The following SNX18 variants were observed in gnomAD, a reference collection of about 807,000 sequenced individuals.
The protein encoded by SNX18 is sorting nexin-18.
In SNX18, 35 loss-of-function variants were observed where a neutral mutation model predicts 48.7. That is an observed-to-expected ratio of 0.72 (90% CI 0.55 to 0.95). The LOEUF (loss-of-function observed/expected upper bound fraction) is 0.95. SNX18 is among the 40% of genes least tolerant of loss of function. SNX18 has a pLI of 0.00. For synonymous variants in SNX18, 492 were observed against 384.7 expected, an observed-to-expected ratio of 1.28 and a Z score of -3.26; for missense variants, 824 against 871.0, an observed-to-expected ratio of 0.95 and a Z score of 0.68.
chr5:54,594,152 T>G, the SNX18 span, among the ~76,000 whole-genome samples: 1 of 152,126 alleles, frequency 6.6e-6, no homozygotes, highest in African/African-American at 2.4e-5. Flanking sequence ...CAATACTAAG[T>G]GAAAGATGCC....
the SNX18 span, among the ~76,000 whole-genome samples, chr5:54,647,239 T>C: frequency 6.6e-6 from 1 of 152,180 alleles, no homozygotes; most frequent in African/African-American, 2.4e-5. Flanking sequence ...CTATGCCGAG[T>C]GCAACAGTTA....
chr5:54,637,168 T>C, the SNX18 span, among the ~76,000 whole-genome samples: 1 of 152,022 alleles, frequency 6.6e-6, no homozygotes, highest in Non-Finnish European at 1.5e-5. Context: ...AAGCAGAACA[T>C]GTAAAGGGGA....
intron 1 of SNX18, among the ~76,000 whole-genome samples, chr5:54,527,013 A>G (rs1394388102): frequency 1.3e-5 from 2 of 152,022 alleles, no homozygotes; most frequent in African/African-American, 2.4e-5. Context: ...TGGGGTGGAC[A>G]TGTGCCAGGC....
At chr5:54,581,672 G>C in the SNX18 span, among the ~76,000 whole-genome samples, 1 of 152,178 alleles carries the variant, frequency 6.6e-6, no homozygotes, top group Non-Finnish European at 1.5e-5. Context: ...TCCCTTTAGC[G>C]AATGTAGCAA....
the SNX18 span, among the ~76,000 whole-genome samples, chr5:54,611,579 G>T: frequency 6.6e-6 from 1 of 152,156 alleles, no homozygotes; most frequent in African/African-American, 2.4e-5. Context: ...GGAAGAAGAG[G>T]ATGCCAGCTA....
chr5:54,585,725 C>T, the SNX18 span, among the ~76,000 whole-genome samples: 1 of 151,720 alleles, frequency 6.6e-6, no homozygotes, highest in Non-Finnish European at 1.5e-5. Context: ...CTTCCCCGGC[C>T]GGGCGCGGTG....
the SNX18 span, among the ~76,000 whole-genome samples, chr5:54,596,614 C>A: frequency 6.6e-6 from 1 of 152,190 alleles, no homozygotes; most frequent in Non-Finnish European, 1.5e-5. Context: ...GCATGTTCCA[C>A]TTTAGGGGTT....
At chr5:54,599,922 A>G in the SNX18 span, among the ~76,000 whole-genome samples, 1 of 152,238 alleles carries the variant, frequency 6.6e-6, no homozygotes, top group Non-Finnish European at 1.5e-5. Flanking sequence ...GGACAGAGGC[A>G]TGGGCAAAGA....
At position 54,543,736 on chromosome 5, in the gene SNX18, C is replaced by G; in HGVS notation, c.*304C>G. ...TTTTTGAAGTATGGGTATTTTAGTG[C>G]ATACTTTGTAGACCTCAAAACCCAT... On this transcript the variant is annotated 3_prime_UTR_variant, in exon 2 of 2. Transcript: ENST00000381410. 3.7e-6 allele frequency: 1 copy of G among 271,872 alleles called. No homozygotes were observed. 16.8% of individuals were successfully genotyped at this position (271,872 alleles called of 1,614,324 possible). A position where few individuals can be genotyped will look rare whatever the true frequency, so the allele number is the denominator to read the frequency against.
In SNX18 at chr5:54,518,256, G is replaced by C; in HGVS notation, c.304G>C (p.Asp102His). 1.4e-6 allele frequency: 2 copies of C among 1,465,342 alleles called. No homozygotes were observed. The highest frequency in any genetic ancestry group is 1.8e-6 in the Non-Finnish European group (2 of 1,114,610). The allele number at this position is 1,465,342 out of a possible 1,614,324, so 90.8% of individuals were successfully genotyped here. ...APPASFKPPPDAFQALLQPQQ... is the reference protein window; with the variant it reads ...APPASFKPPPHAFQALLQPQQ... The stretch of plus-strand genomic sequence containing the variant: ...CCCCGCCTCCTTCAAGCCGCCGCCT[G>C]ACGCCTTCCAGGCGCTGCTGCAGCC... The change falls in exon 1 of 2, where the codon GAC becomes CAC. Residue 102 changes from aspartate to histidine, a missense_variant. Transcript: ENST00000381410.
chr5:54,550,960 A>T (rs1762647062), downstream of SNX18, among the ~76,000 whole-genome samples: 1 of 152,126 alleles, frequency 6.6e-6, no homozygotes, highest in Non-Finnish European at 1.5e-5. Context: ...AGGAATGGGA[A>T]TGGGGGGCAG....
the SNX18 span, among the ~76,000 whole-genome samples, chr5:54,578,992 T>A: frequency 6.6e-6 from 1 of 152,174 alleles, no homozygotes; most frequent in African/African-American, 2.4e-5. Context: ...ATTGGCTAAT[T>A]AGTCAAAGTT....
intron 1 of SNX18, among the ~76,000 whole-genome samples, chr5:54,541,820 A>G (rs1237346543): frequency 2.0e-5 from 3 of 152,228 alleles, no homozygotes; most frequent in Non-Finnish European, 4.4e-5. Flanking sequence ...AAAAAAGCAT[A>G]CTGCTTTACG....
chr5:54,571,030 C>T, the SNX18 span, among the ~76,000 whole-genome samples: 13 of 152,310 alleles, frequency 8.5e-5, no homozygotes, highest in African/African-American at 2.4e-4. Flanking sequence ...TGCTGGCAGA[C>T]GACCATGGAA....
At chr5:54,573,017 T>C in the SNX18 span, among the ~76,000 whole-genome samples, 3 of 151,590 alleles carry the variant, frequency 2.0e-5, no homozygotes, top group Non-Finnish European at 4.4e-5. Context: ...TCCCGATGTT[T>C]ATGGTTAAGG....
downstream of SNX18, among the ~76,000 whole-genome samples, chr5:54,548,719 T>G (rs1762611299): frequency 6.6e-6 from 1 of 152,212 alleles, no homozygotes; most frequent in Non-Finnish European, 1.5e-5. Flanking sequence ...AGTAGATACT[T>G]AATAAATGTT....
the SNX18 span, among the ~76,000 whole-genome samples, chr5:54,575,942 G>T: frequency 1.1e-4 from 16 of 152,146 alleles, no homozygotes; most frequent in South Asian, 2.9e-3. Flanking sequence ...TGTCTAAAAG[G>T]CATACAAGCA....
At chr5:54,567,907 G>C in the SNX18 span, among the ~76,000 whole-genome samples, 1 of 152,216 alleles carries the variant, frequency 6.6e-6, no homozygotes, top group African/African-American at 2.4e-5. Context: ...GATTTGGAAT[G>C]TTCTGTAGGA....
intron 1 of SNX18, among the ~76,000 whole-genome samples, chr5:54,540,006 G>T (rs1401295486): frequency 6.6e-6 from 1 of 151,692 alleles, no homozygotes; most frequent in East Asian, 1.9e-4. Flanking sequence ...CGGGTACTTG[G>T]GATTACAGGC....
Sources: gnomAD v4.1 joint callset for allele counts (sites outside exome capture counted in the v4.1 genomes callset) on GRCh38, gnomAD v4.1.1 for gene constraint, MANE v1.5 for transcripts, NCBI Gene and HGNC (gene_info 2026-07-23, HGNC 2026-07-21) for gene names.